The following LHPP variants were observed in gnomAD, a reference collection of about 807,000 sequenced individuals.
The protein encoded by LHPP is phospholysine phosphohistidine inorganic pyrophosphate phosphatase, also known as hLHPP.
LHPP carries 24 observed loss-of-function variants against 30.3 expected under a neutral mutation model. That is an observed-to-expected ratio of 0.79 (90% CI 0.57 to 1.11). LHPP has a LOEUF of 1.11. LHPP is among the 50% of genes most tolerant of loss of function. The pLI is 0.00. For synonymous variants in LHPP, 150 were observed against 157.1 expected, an observed-to-expected ratio of 0.95 and a Z score of 0.34; for missense variants, 356 against 367.2, an observed-to-expected ratio of 0.97 and a Z score of 0.25.
At chr10:124,462,163 C>T (rs1952422167) in intron 1 of LHPP, among the ~76,000 whole-genome samples, 176 bp downstream of exon 1, 1 of 152,132 alleles carries the variant, frequency 6.6e-6, no homozygotes, top group Non-Finnish European at 1.5e-5. Flanking sequence ...CCCACTGTTG[C>T]CCCCGGCGAG....
rs924477386 is a variant in LHPP, at chr10:124,558,851, G to A, written c.716+41580G>A. On this transcript the variant is annotated intron_variant, in intron 6 of 6. Coordinates refer to ENST00000368842, the MANE Select transcript of LHPP (RefSeq NM_022126.4). ...GGCCATATGCATTCCCATGCGTAGC[G>A]AAACCAGGCCCTCTTGCCAAGCACT... Among the ~76,000 whole-genome samples, 12 of 152,364 alleles carry A rather than the reference G, an allele frequency of 7.9e-5. No homozygotes were observed. In the East Asian group the frequency reaches 9.6e-4, roughly 12 times the overall value.
chr10:124,542,731 G>A (rs557030417), intron 6 of LHPP, among the ~76,000 whole-genome samples: 11 of 152,158 alleles, frequency 7.2e-5, no homozygotes, highest in Non-Finnish European at 1.5e-4. Flanking sequence ...CCTCCTTCCA[G>A]GGGCTCACCC....
chr10:124,519,528 T>C (rs1320759514), intron 6 of LHPP, among the ~76,000 whole-genome samples: 1 of 152,194 alleles, frequency 6.6e-6, no homozygotes, highest in East Asian at 1.9e-4. Flanking sequence ...GAGATTTTGG[T>C]GCACCCATCA....
intron 6 of LHPP, among the ~76,000 whole-genome samples, chr10:124,611,629 G>A (rs1003868618): frequency 2.5e-4 from 38 of 152,078 alleles, no homozygotes; most frequent in Admixed American, 1.7e-3. Context: ...TGCCCCTGTG[G>A]CCCCCGTCCA....
chr10:124,581,925 G>A (rs1017081527), intron 6 of LHPP, among the ~76,000 whole-genome samples: 2 of 151,942 alleles, frequency 1.3e-5, no homozygotes, highest in Non-Finnish European at 2.9e-5. Flanking sequence ...GGGACTACAG[G>A]TGCCCACCAC....
chr10:124,509,254 C>T (rs66531207), intron 5 of LHPP, among the ~76,000 whole-genome samples: 26,456 of 152,120 alleles, frequency 0.17, 2,626 homozygotes, highest in South Asian at 0.33. Flanking sequence ...AGCACTTTAA[C>T]GAAGCAGTTT....
intron 1 of LHPP, among the ~76,000 whole-genome samples, chr10:124,480,804 G>C (rs7070581): frequency 6.6e-6 from 1 of 152,138 alleles, no homozygotes; most frequent in Non-Finnish European, 1.5e-5. Context: ...TGAAGAAGAC[G>C]TTGCCAGCCT....
intron 1 of LHPP, among the ~76,000 whole-genome samples, chr10:124,483,835 G>A (rs565065805): frequency 6.6e-6 from 1 of 151,814 alleles, no homozygotes; most frequent in East Asian, 1.9e-4. Flanking sequence ...CCAGGCAAGG[G>A]GAGAGGCAAT....
intron 1 of LHPP, among the ~76,000 whole-genome samples, chr10:124,481,959 T>C (rs1427373898): frequency 6.6e-6 from 1 of 152,250 alleles, no homozygotes; most frequent in Non-Finnish European, 1.5e-5. Context: ...CCAGGAGTGC[T>C]GATTTCCTGT....
chr10:124,575,956 C>T (rs1948654215), intron 6 of LHPP, among the ~76,000 whole-genome samples: 1 of 152,134 alleles, frequency 6.6e-6, no homozygotes, highest in Admixed American at 6.5e-5. Context: ...TCTGGGCAGC[C>T]TGGTGGCCCC....
intron 6 of LHPP, among the ~76,000 whole-genome samples, chr10:124,608,999 G>A (rs1216188970): frequency 6.6e-6 from 1 of 152,188 alleles, no homozygotes; most frequent in African/African-American, 2.4e-5. Context: ...TGGAAGCACT[G>A]GCTTCCCAAG....
chr10:124,558,880 T>C (rs929652085), intron 6 of LHPP, among the ~76,000 whole-genome samples: 3 of 152,240 alleles, frequency 2.0e-5, no homozygotes, highest in Non-Finnish European at 4.4e-5. Context: ...AAGCACTCTT[T>C]GGGAGGATAT....
intron 5 of LHPP, among the ~76,000 whole-genome samples, chr10:124,515,515 C>A (rs368803253): frequency 1.1e-4 from 16 of 152,294 alleles, no homozygotes; most frequent in Non-Finnish European, 2.1e-4. Context: ...CTTCTTTGCA[C>A]GTCTGATCAT....
chr10:124,595,995 G>A (rs555448154), intron 6 of LHPP, among the ~76,000 whole-genome samples: 37 of 152,148 alleles, frequency 2.4e-4, no homozygotes, highest in Middle Eastern at 6.8e-3. Flanking sequence ...CTTCACCCCC[G>A]TCTTCTGCCT....
chr10:124,469,026 A>C (rs1005966011), intron 1 of LHPP, among the ~76,000 whole-genome samples: 3 of 152,182 alleles, frequency 2.0e-5, no homozygotes, highest in African/African-American at 7.2e-5. Context: ...AGCAGGCCCT[A>C]CTTGCCCAGG....
intron 2 of LHPP, among the ~76,000 whole-genome samples, chr10:124,484,690 G>C (rs1953264989): frequency 6.6e-6 from 1 of 151,826 alleles, no homozygotes; most frequent in Non-Finnish European, 1.5e-5. Flanking sequence ...GAGAGAGAGA[G>C]AGAGAGAAAA....
chr10:124,463,411 G>A (rs1322351949), intron 1 of LHPP, among the ~76,000 whole-genome samples: 3 of 151,450 alleles, frequency 2.0e-5, no homozygotes, highest in Non-Finnish European at 2.9e-5. Flanking sequence ...TGCCCAGGCC[G>A]GAGTGCAGTG....
chr10:124,585,630 AAAAG>A (rs1948795377), intron 6 of LHPP, among the ~76,000 whole-genome samples: 1 of 151,956 alleles, frequency 6.6e-6, no homozygotes, highest in African/African-American at 2.4e-5. Context: ...AAAAAAAAGA[AAAAG>A]AAAAAAAAGA....
intron 1 of LHPP, among the ~76,000 whole-genome samples, chr10:124,463,069 A>G (rs1952451089): frequency 6.6e-6 from 1 of 152,158 alleles, no homozygotes; most frequent in African/African-American, 2.4e-5. Flanking sequence ...GGGTTTCACC[A>G]TGTTGGGCAG....
Sources: gnomAD v4.1 joint callset for allele counts (sites outside exome capture counted in the v4.1 genomes callset) on GRCh38, gnomAD v4.1.1 for gene constraint, MANE v1.5 for transcripts, NCBI Gene and HGNC (gene_info 2026-07-23, HGNC 2026-07-21) for gene names.